The following PDE3B variants were observed in gnomAD, a reference collection of about 807,000 sequenced individuals.
PDE3B encodes phosphodiesterase 3B.
PDE3B carries 66 observed loss-of-function variants against 116.8 expected under a neutral mutation model. The observed-to-expected ratio is 0.56, with a 90% CI of 0.46 to 0.69. The LOEUF is 0.69. PDE3B is among the 30% of genes least tolerant of loss of function. The pLI is 0.00. For missense variants in PDE3B, 1,384 were observed against 1,368.1 expected (o/e 1.01, Z -0.18); for synonymous variants, 595 against 533.6 (o/e 1.12, Z -1.59).
intron 1 of PDE3B, among the ~76,000 whole-genome samples, chr11:14,655,238 A>G (rs1220091760): frequency 2.6e-5 from 4 of 152,184 alleles, no homozygotes; most frequent in Non-Finnish European, 4.4e-5. Context: ...AGAGAAAAAG[A>G]TGATCATTAT....
chr11:14,744,272 A>T (rs145339606), intron 1 of PDE3B, among the ~76,000 whole-genome samples: 5 of 152,006 alleles, frequency 3.3e-5, no homozygotes, highest in African/African-American at 1.2e-4. Flanking sequence ...TGGTTATTCA[A>T]TGTTCTTAAA....
the PDE3B span, chr11:14,878,153 T>C: frequency 1.2e-6 from 2 of 1,613,174 alleles, no homozygotes; most frequent in South Asian, 2.2e-5. Context: ...GAGGTAGGGT[T>C]GGGGCTGCAA....
chr11:14,828,450 C>T (rs1399624855), intron 7 of PDE3B, among the ~76,000 whole-genome samples: 1 of 152,054 alleles, frequency 6.6e-6, no homozygotes, highest in Non-Finnish European at 1.5e-5. Context: ...CCAGCACCTA[C>T]AAGGAACTTA....
chr11:14,872,356 C>A (rs1186618393), downstream of PDE3B, among the ~76,000 whole-genome samples: 1 of 152,064 alleles, frequency 6.6e-6, no homozygotes, highest in Non-Finnish European at 1.5e-5. Context: ...AAACTCAGAA[C>A]TGAAGAATTA....
intron 1 of PDE3B, among the ~76,000 whole-genome samples, chr11:14,652,533 AT>A (rs1377150672): frequency 1.3e-5 from 2 of 152,062 alleles, no homozygotes; most frequent in African/African-American, 4.8e-5. Context: ...ATTGGGGTTT[AT>A]TTTTTATTGT....
At chr11:14,713,720 A>ACT (rs1158048773) in intron 1 of PDE3B, among the ~76,000 whole-genome samples, 2 of 151,364 alleles carry the variant, frequency 1.3e-5, no homozygotes, top group Non-Finnish European at 2.9e-5. Flanking sequence ...ACACACACAC[A>ACT]CACACACTCA....
the PDE3B span, among the ~76,000 whole-genome samples, chr11:14,894,905 T>C: frequency 2.6e-5 from 4 of 152,352 alleles, no homozygotes; most frequent in Non-Finnish European, 5.9e-5. Flanking sequence ...GTTAAGTATT[T>C]CACTGTTTCA....
At chr11:14,752,012 T>G (rs2133876650) in intron 1 of PDE3B, among the ~76,000 whole-genome samples, 1 of 152,236 alleles carries the variant, frequency 6.6e-6, no homozygotes, top group East Asian at 1.9e-4. Flanking sequence ...TTCAGGAAGG[T>G]TCACCACAAG....
chr11:14,897,255 T>C, the PDE3B span, among the ~76,000 whole-genome samples: 2 of 152,228 alleles, frequency 1.3e-5, no homozygotes, highest in African/African-American at 4.8e-5. Context: ...CTTGAATAAT[T>C]TAACTTTGAT....
chr11:14,693,046 C>T (rs551053089), intron 1 of PDE3B, among the ~76,000 whole-genome samples: 32 of 152,280 alleles, frequency 2.1e-4, no homozygotes, highest in African/African-American at 6.7e-4. Context: ...ACTGCTGATA[C>T]GGAGAAGTTC....
chr11:14,890,902 GA>G, the PDE3B span: 4 of 985,262 alleles, frequency 4.1e-6, no homozygotes, highest in Admixed American at 1.2e-4. Context: ...GGTCAAACCT[GA>G]AATACCACAG....
chr11:14,796,566 T>A (rs942868866), intron 4 of PDE3B, among the ~76,000 whole-genome samples: 1 of 152,234 alleles, frequency 6.6e-6, no homozygotes, highest in Non-Finnish European at 1.5e-5. Context: ...CCATTCTAAC[T>A]GGCATGAGAT....
chr11:14,724,834 A>G (rs1356970627), intron 1 of PDE3B, among the ~76,000 whole-genome samples: 5 of 152,240 alleles, frequency 3.3e-5, no homozygotes, highest in African/African-American at 1.2e-4. Context: ...CCTACAAAGG[A>G]TATAGTAGAA....
intron 1 of PDE3B, among the ~76,000 whole-genome samples, chr11:14,754,942 C>G (rs925403430): frequency 1.3e-5 from 2 of 152,068 alleles, no homozygotes; most frequent in African/African-American, 4.8e-5. Flanking sequence ...TGTAATATTT[C>G]TCCCATTATC....
At chr11:14,693,331 A>G (rs958884795) in intron 1 of PDE3B, among the ~76,000 whole-genome samples, 4 of 152,236 alleles carry the variant, frequency 2.6e-5, no homozygotes, top group Non-Finnish European at 5.9e-5. Context: ...TGGCTGCACT[A>G]AACAACAGAT....
At position 14,871,170 on chromosome 11, in the gene PDE3B, GA is replaced by G. The variant is rs1848134516; in HGVS notation, c.*1511del. The stretch of plus-strand genomic sequence containing the variant: ...TCTAGAATATTTGGCTTATCTGAAA[GA>G]TATCAATTTAAGATCTCTGGAAGTG... On this transcript the variant is annotated 3_prime_UTR_variant, in exon 16 of 16. Transcript: ENST00000282096. The G allele has an allele frequency of 6.6e-6, 1 of 152,122 alleles. No individual in the cohort carries two copies. The highest frequency in any genetic ancestry group is 2.4e-5 in the African/African-American group (1 of 41,442). 9.4% of individuals were successfully genotyped at this position (152,122 alleles called of 1,614,324 possible). A position where few individuals can be genotyped will look rare whatever the true frequency, so the allele number is the denominator to read the frequency against.
chr11:14,696,001 T>C (rs960937935), intron 1 of PDE3B, among the ~76,000 whole-genome samples: 2 of 152,160 alleles, frequency 1.3e-5, no homozygotes, highest in African/African-American at 4.8e-5. Context: ...TATACTGATT[T>C]ATATTCCTTT....
chr11:14,679,996 C>T (rs1216015706), intron 1 of PDE3B, among the ~76,000 whole-genome samples: 2 of 152,092 alleles, frequency 1.3e-5, no homozygotes, highest in East Asian at 3.9e-4. Flanking sequence ...TTCTGAAAGT[C>T]AGGGATTATA....
At chr11:14,668,995 G>A (rs889318464) in intron 1 of PDE3B, among the ~76,000 whole-genome samples, 1 of 152,038 alleles carries the variant, frequency 6.6e-6, no homozygotes, top group Non-Finnish European at 1.5e-5. Flanking sequence ...GAAAATAGAT[G>A]GCACACTCAA....
Sources: gnomAD v4.1 joint callset for allele counts (sites outside exome capture counted in the v4.1 genomes callset) on GRCh38, gnomAD v4.1.1 for gene constraint, MANE v1.5 for transcripts, NCBI Gene and HGNC (gene_info 2026-07-23, HGNC 2026-07-21) for gene names.